PRDM9: variants seen among roughly 807,000 people sequenced by gnomAD.
PRDM9 encodes the protein PR/SET domain 9.
A neutral mutation model predicts 55.6 loss-of-function variants in PRDM9; 47 were observed. The ratio of observed to expected loss-of-function variants is 0.85; its 90% CI spans 0.67 to 1.08. The LOEUF (loss-of-function observed/expected upper bound fraction) is 1.08, where lower values mean the gene tolerates loss of function less well. PRDM9 is among the 50% of genes least tolerant of loss of function. The pLI, the probability that PRDM9 is intolerant of heterozygous loss-of-function variation, is 0.00. For missense variants in PRDM9, 867 were observed against 1,040.3 expected (o/e 0.83, Z 2.29); for synonymous variants, 312 against 375.7 (o/e 0.83, Z 1.96).
At position 23,509,050 on chromosome 5, in the gene PRDM9, C is replaced by T. The variant is rs1288072124; in HGVS notation, c.17C>T (p.Ser6Phe). The T allele has an allele frequency of 3.1e-6, 5 of 1,614,062 alleles. No individual in the cohort carries two copies. In the South Asian group the frequency reaches 4.4e-5, roughly 14 times the overall value. Residue 6 changes from serine to phenylalanine, a missense_variant, in exon 2 of 11, where the codon TCC (serine) becomes TTC (phenylalanine). Coordinates refer to ENST00000296682, the MANE Select transcript of PRDM9 (RefSeq NM_020227.4). MSPEK[S>F]QEESPEEDTE... ...CCCAGCACCATGAGCCCTGAAAAGTCCCAAGAGGAGAGCCCAGAAGAAGAC... is the reference window on the plus strand; with the variant it reads ...CCCAGCACCATGAGCCCTGAAAAGTTCCAAGAGGAGAGCCCAGAAGAAGAC...
At chr5:23,517,019 G>T (rs1311173915) in intron 4 of PRDM9, among the ~76,000 whole-genome samples, 2 of 150,704 alleles carry the variant, frequency 1.3e-5, no homozygotes, top group African/African-American at 4.9e-5. Context: ...TGGGCGTGGT[G>T]GTGGGCGCCT....
intron 4 of PRDM9, among the ~76,000 whole-genome samples, chr5:23,511,337 GTTGTTTTTGTTT>G (rs529702253): frequency 6.6e-6 from 1 of 151,038 alleles, no homozygotes; most frequent in Non-Finnish European, 1.5e-5. Context: ...TTGTTTGTTT[GTTGTTTTTGTTT>G]TTGTTTTTGT....
Position 23,516,441 on chromosome 5 carries a change from C to T in PRDM9, c.302-1440C>T, listed in dbSNP as rs139548964. 2.1e-3 allele frequency among the ~76,000 whole-genome samples: 318 copies of T among 151,778 alleles called. 2 individuals carry two copies. The highest frequency in any genetic ancestry group is 7.3e-3 in the African/African-American group (302 of 41,390). The stretch of plus-strand genomic sequence containing the variant: ...AGGCTGGAGTGCAGTGGCGTGATAT[C>T]GGCTCACTGCAAGCTCCACTTCCCT... On this transcript the variant is annotated intron_variant, in intron 4 of 10. Transcript: ENST00000296682.
At chr5:23,519,762 C>T (rs538175715) in intron 5 of PRDM9, among the ~76,000 whole-genome samples, 7 of 151,924 alleles carry the variant, frequency 4.6e-5, no homozygotes, top group South Asian at 2.1e-4. Flanking sequence ...TAAGAATTAG[C>T]GCCAGGGGCA....
At chr5:23,512,601 C>A (rs1261115655) in intron 4 of PRDM9, among the ~76,000 whole-genome samples, 1 of 152,128 alleles carries the variant, frequency 6.6e-6, no homozygotes, top group African/African-American at 2.4e-5. Flanking sequence ...GTTAAAATCC[C>A]TAATTTAAGT....
At chr5:23,524,761 T>C (rs1294785289) in intron 10 of PRDM9, among the ~76,000 whole-genome samples, 2 of 152,220 alleles carry the variant, frequency 1.3e-5, no homozygotes, top group Non-Finnish European at 2.9e-5. Context: ...GCACAAAGTA[T>C]ATAACAGCAT....
At chr5:23,521,239 G>A in intron 6 of PRDM9, 60 bp downstream of exon 6, 1 of 1,592,288 alleles carries the variant, frequency 6.3e-7, no homozygotes, top group South Asian at 1.1e-5. Flanking sequence ...AGGTTGATGA[G>A]TATGGTCTAC....
chr5:23,517,215 A>C (rs566954750), intron 4 of PRDM9, among the ~76,000 whole-genome samples: 1 of 148,940 alleles, frequency 6.7e-6, no homozygotes, highest in African/African-American at 2.5e-5. Context: ...TGTTAAAGTG[A>C]TTTCCTTCTA....
Position 23,526,671 on chromosome 5 carries a change from AGT to A in PRDM9, c.1587_1588del (p.Cys529TrpfsTer7), listed in dbSNP as rs1739444580. On this transcript the variant is annotated frameshift_variant, in exon 11 of 11. Transcript: ENST00000296682. LOFTEE classifies it low-confidence loss of function (END_TRUNC). ...AGAATTGCAAAAGTCAAGTATGGAG[AGT>A]GTGGACAAGGTTTCAGTGTTAAATC... is the stretch of plus-strand genomic sequence containing the variant. 6.2e-7 allele frequency: 1 copy of A among 1,614,146 alleles called. No individual in the cohort carries two copies. The highest frequency in any genetic ancestry group is 8.5e-7 in the Non-Finnish European group (1 of 1,180,058).
In PRDM9 at chr5:23,522,896, C is replaced by T; in HGVS notation, c.882+11C>T. On this transcript the variant is annotated intron_variant, in intron 8 of 10. Coordinates refer to ENST00000296682, the MANE Select transcript of PRDM9 (RefSeq NM_020227.4). The stretch of plus-strand genomic sequence containing the variant: ...GGATACTCCTGGCTGGTAAGAAGAG[C>T]CTGCCATTTCCCCTGTTCTGTCTTC... 6.2e-7 allele frequency: 1 copy of T among 1,614,258 alleles called. No individual in the cohort carries two copies. The highest frequency in any genetic ancestry group is 8.5e-7 in the Non-Finnish European group (1 of 1,180,054).
intron 9 of PRDM9, 80 bp downstream of exon 9, chr5:23,523,438 T>A: frequency 7.0e-7 from 1 of 1,425,432 alleles, no homozygotes; most frequent in Non-Finnish European, 9.9e-7. Flanking sequence ...TCATTATGCC[T>A]CCCTCAATGA....
intron 9 of PRDM9, 136 bp downstream of exon 9, chr5:23,523,494 A>G (rs189910548): frequency 1.2e-6 from 1 of 843,854 alleles, no homozygotes; most frequent in Non-Finnish European, 1.9e-6. Flanking sequence ...ATGCTGTTTT[A>G]TACCATCAAC....
chr5:23,520,351 C>G lies in PRDM9; in HGVS notation c.352-672C>G, dbSNP rs1405964142. ...CTGCACTTCAGCCTAGGCAACAGAG[C>G]GAGACTCCTTCTCAAAAAAAAAAAA... On this transcript the variant is annotated intron_variant, in intron 5 of 10. Transcript: ENST00000296682. 7.3e-5 allele frequency among the ~76,000 whole-genome samples: 9 copies of G among 122,758 alleles called. No homozygotes were observed. The Admixed American group carries it at 7.4e-4, about 10-fold the overall frequency. 80.5% of individuals were successfully genotyped at this position (122,758 alleles called of 152,430 possible). A position where few individuals can be genotyped will look rare whatever the true frequency, so the allele number is the denominator to read the frequency against.
intron 6 of PRDM9, among the ~76,000 whole-genome samples, chr5:23,522,055 C>T (rs1739337089): frequency 6.6e-6 from 1 of 152,064 alleles, no homozygotes. Context: ...ATGAATGAAC[C>T]ATTTTGTAAG....
At chr5:23,521,406 C>A (rs541233814) in intron 6 of PRDM9, among the ~76,000 whole-genome samples, 3 of 152,204 alleles carry the variant, frequency 2.0e-5, no homozygotes, top group Non-Finnish European at 4.4e-5. Flanking sequence ...GGCGCAATCT[C>A]GGTTCACTGC....
At chr5:23,513,110 T>C (rs192548542) in intron 4 of PRDM9, among the ~76,000 whole-genome samples, 30 of 152,320 alleles carry the variant, frequency 2.0e-4, no homozygotes, top group Non-Finnish European at 3.8e-4. Flanking sequence ...CTCTTTGAGA[T>C]CCTGTTTTTA....
chr5:23,526,263 C>T lies in PRDM9; in HGVS notation c.1175C>T (p.Ser392Leu), dbSNP rs1256915909. 6.2e-7 allele frequency: 1 copy of T among 1,614,096 alleles called. No individual in the cohort carries two copies. Among genetic ancestry groups the T allele is most frequent in the East Asian group, 2.2e-5 (1 of 44,896 alleles). The part of the protein sequence containing the change: ...EPKPEIHPCP[S>L]CCLAFSSQKF... ...AAGCCAGAGATCCATCCATGTCCCT[C>T]ATGCTGTCTGGCCTTTTCAAGTCAG... The change falls in exon 11 of 11, where the codon TCA (serine) becomes TTA (leucine). Residue 392 changes from serine to leucine, a missense_variant. Physicochemically the swap from Ser to Leu is moderately radical, Grantham distance 145 (BLOSUM62 -2). Transcript: ENST00000296682.
In PRDM9 at chr5:23,527,439, G is replaced by A. The variant is rs1405773668; in HGVS notation, c.2351G>A (p.Gly784Asp). The change falls in exon 11 of 11, where the codon GGC becomes GAC. Residue 784 changes from glycine (G) to aspartate (D), a missense_variant. Physicochemically the swap from Gly to Asp is moderately conservative, Grantham distance 94. Coordinates refer to ENST00000296682, the MANE Select transcript of PRDM9 (RefSeq NM_020227.4). ...TATGTCTGCAGGGAGTGTGGGCGGG[G>A]CTTTAGAGATAAGTCAAACCTCCTC... ...KPYVCRECGR[G>D]FRDKSNLLSH... 1 of 1,597,792 alleles carries A rather than the reference G, an allele frequency of 6.3e-7. No individual in the cohort carries two copies. The highest frequency in any genetic ancestry group is 8.5e-7 in the Non-Finnish European group (1 of 1,175,300).
Position 23,509,075 on chromosome 5 carries a change from CACAGAGAGA to C in PRDM9, c.49_57del (p.Thr18_Arg20del), listed in dbSNP as rs1739037799. On this transcript the variant is annotated inframe_deletion, in exon 2 of 11. Transcript: ENST00000296682. ...CCCAAGAGGAGAGCCCAGAAGAAGA[CACAGAGAGA>C]ACAGAGCGGAAGCCCATGGTGAGAA... 6.2e-7 allele frequency: 1 copy of C among 1,614,104 alleles called. No homozygotes were observed. Among genetic ancestry groups the C allele is most frequent in the Non-Finnish European group, 8.5e-7 (1 of 1,180,002 alleles).
Sources: allele counts gnomAD v4.1 joint callset (sites outside exome capture counted in the v4.1 genomes callset), GRCh38; gene constraint gnomAD v4.1.1; transcripts MANE v1.5; gene names NCBI Gene and HGNC (gene_info 2026-07-23, HGNC 2026-07-21).